Variants in BRAF observed in about 807,000 individuals in gnomAD.
The protein encoded by BRAF is serine/threonine-protein kinase B-raf.
BRAF carries 16 observed loss-of-function variants against 104.6 expected under a neutral mutation model. The ratio of observed to expected loss-of-function variants is 0.15; its 90% CI spans 0.10 to 0.23. BRAF has a LOEUF of 0.23. Among genes scored for constraint, BRAF ranks in the 10% least tolerant of loss-of-function variants. The pLI is 1.00. For synonymous variants in BRAF, 310 were observed against 341.6 expected, an observed-to-expected ratio of 0.91 and a Z score of 1.02; for missense variants, 541 against 937.3, an observed-to-expected ratio of 0.58 and a Z score of 5.52.
rs1795397044 is a variant in BRAF at position 140,723,082 on chromosome 7, G to GT, written c.*3411dup. The stretch of plus-strand genomic sequence containing the variant: ...TTCATTACCTCATTCTGAAGAGGTA[G>GT]TTTTTTGTAGAGGTCACCTGAACCC... On this transcript the variant is annotated 3_prime_UTR_variant, in exon 20 of 20. Coordinates refer to ENST00000644969, the MANE Select transcript of BRAF (RefSeq NM_001374258.1). 9 of 1,051,148 alleles carry GT rather than the reference G, an allele frequency of 8.6e-6. No homozygotes were observed. Among genetic ancestry groups the GT allele is most frequent in the African/African-American group, 5.0e-5 (3 of 60,252 alleles). 65.1% of individuals were successfully genotyped at this position (1,051,148 alleles called of 1,614,324 possible). A position where few individuals can be genotyped will look rare whatever the true frequency, so the allele number is the denominator to read the frequency against.
chr7:140,880,608 A>C (rs1409633515), intron 1 of BRAF, among the ~76,000 whole-genome samples: 3 of 152,204 alleles, frequency 2.0e-5, no homozygotes, highest in East Asian at 3.8e-4. Flanking sequence ...CCATCATAGG[A>C]ATATCTATGG....
At chr7:140,769,120 A>AGGCTGGAGTGCAGTGGT (rs1799600158) in intron 14 of BRAF, among the ~76,000 whole-genome samples, 1 of 151,612 alleles carries the variant, frequency 6.6e-6, no homozygotes, top group Non-Finnish European at 1.5e-5. Flanking sequence ...TCTGTCACCT[A>AGGCTGGAGTGCAGTGGT]GGCTGGAGTG....
chr7:140,923,772 C>T (rs1818527036), intron 1 of BRAF, among the ~76,000 whole-genome samples: 1 of 152,066 alleles, frequency 6.6e-6, no homozygotes, highest in Non-Finnish European at 1.5e-5. Context: ...AAGTACAGAG[C>T]CTCAAGAGGA....
In BRAF at chr7:140,821,294, A is replaced by AT. The variant is rs58690200; in HGVS notation, c.505-12300dup. 2.2e-3 allele frequency among the ~76,000 whole-genome samples: 161 copies of AT among 73,818 alleles called. 2 individuals are homozygous for AT. Among genetic ancestry groups the AT allele is most frequent in the Non-Finnish European group, 3.4e-3 (130 of 38,648 alleles). 48.4% of individuals were successfully genotyped at this position (73,818 alleles called of 152,430 possible). A position where few individuals can be genotyped will look rare whatever the true frequency, so the allele number is the denominator to read the frequency against. On this transcript the variant is annotated intron_variant, in intron 3 of 19. Transcript: ENST00000644969. ...CCACTACACCCAGCGTCTGAATTAC[A>AT]TTTTTTTTTTTTTTTTTTTTTTTGA...
At chr7:140,882,092 C>A (rs1052026238) in intron 1 of BRAF, among the ~76,000 whole-genome samples, 6 of 152,056 alleles carry the variant, frequency 3.9e-5, no homozygotes, top group Non-Finnish European at 5.9e-5. Context: ...GTAAAAAAAA[C>A]CACATTATCT....
chr7:140,903,426 T>C (rs1815901375), intron 1 of BRAF, among the ~76,000 whole-genome samples: 1 of 152,220 alleles, frequency 6.6e-6, no homozygotes. Flanking sequence ...AAGCCCACTG[T>C]TGAGACCCAC....
intron 16 of BRAF, among the ~76,000 whole-genome samples, chr7:140,749,799 T>C (rs1404933755): frequency 1.3e-5 from 2 of 152,194 alleles, no homozygotes; most frequent in African/African-American, 2.4e-5. Flanking sequence ...ATAAGATGCT[T>C]AGGAGCAGCA....
chr7:140,727,663 C>G, intron 19 of BRAF, among the ~76,000 whole-genome samples: 1 of 152,068 alleles, frequency 6.6e-6, no homozygotes, highest in East Asian at 1.9e-4. Flanking sequence ...CTCTGTTACC[C>G]AGGCTGGAGT....
intron 1 of BRAF, among the ~76,000 whole-genome samples, chr7:140,914,306 G>T (rs899048727): frequency 1.3e-5 from 2 of 152,182 alleles, no homozygotes; most frequent in African/African-American, 4.8e-5. Flanking sequence ...GCCAGTGAAA[G>T]GCAAGCATTC....
At chr7:140,910,963 C>T (rs1349606312) in intron 1 of BRAF, among the ~76,000 whole-genome samples, 1 of 152,158 alleles carries the variant, frequency 6.6e-6, no homozygotes, top group East Asian at 1.9e-4. Context: ...CCACATCCAA[C>T]CAAAACGCTA....
At chr7:140,759,749 C>A (rs1798513910) in intron 14 of BRAF, among the ~76,000 whole-genome samples, 1 of 152,206 alleles carries the variant, frequency 6.6e-6, no homozygotes, top group Non-Finnish European at 1.5e-5. Context: ...GAGGAGGAAC[C>A]AGCTGAGGAG....
chr7:140,792,993 A>G (rs932207507), intron 8 of BRAF, among the ~76,000 whole-genome samples: 21 of 152,332 alleles, frequency 1.4e-4, no homozygotes, highest in African/African-American at 4.6e-4. Flanking sequence ...CAGAAAATCT[A>G]TTTAGGAGAT....
chr7:140,863,018 T>A (rs868637771), intron 1 of BRAF, among the ~76,000 whole-genome samples: 42 of 152,256 alleles, frequency 2.8e-4, no homozygotes, highest in Middle Eastern at 3.4e-3. Flanking sequence ...CATGTTAAGT[T>A]CTCAAAAAAT....
At chr7:140,749,057 T>C in intron 17 of BRAF, 1 of 489,782 alleles carries the variant, frequency 2.0e-6, no homozygotes, top group East Asian at 3.8e-5. Context: ...TAGTTTCTAG[T>C]CAGAAAATCA....
At chr7:140,813,565 T>C (rs1804507313) in intron 3 of BRAF, among the ~76,000 whole-genome samples, 1 of 152,162 alleles carries the variant, frequency 6.6e-6, no homozygotes, top group South Asian at 2.1e-4. Flanking sequence ...ATGTGCAACA[T>C]TATTCACTAC....
chr7:140,828,345 G>T (rs747225858), intron 3 of BRAF, among the ~76,000 whole-genome samples: 3 of 152,242 alleles, frequency 2.0e-5, no homozygotes, highest in African/African-American at 7.2e-5. Flanking sequence ...ATAGTTCAGC[G>T]ATACCTTAAC....
downstream of BRAF, among the ~76,000 whole-genome samples, chr7:140,718,586 T>C (rs1465412908): frequency 6.6e-6 from 1 of 150,432 alleles, no homozygotes; most frequent in Non-Finnish European, 1.5e-5. Flanking sequence ...AGTTTCACCA[T>C]GTTGGTCAGG....
At chr7:140,779,375 T>C (rs1800634877) in intron 12 of BRAF, among the ~76,000 whole-genome samples, 1 of 152,078 alleles carries the variant, frequency 6.6e-6, no homozygotes. Context: ...TAGCTGGGAG[T>C]ACAGGCACAT....
chr7:140,917,729 A>G (rs544013849), intron 1 of BRAF, among the ~76,000 whole-genome samples: 1 of 152,354 alleles, frequency 6.6e-6, no homozygotes, highest in East Asian at 1.9e-4. Flanking sequence ...GAGTCAGAAC[A>G]GTTCAGCCCA....
Sources: gnomAD v4.1 joint callset for allele counts (sites outside exome capture counted in the v4.1 genomes callset) on GRCh38, gnomAD v4.1.1 for gene constraint, MANE v1.5 for transcripts, NCBI Gene and HGNC (gene_info 2026-07-23, HGNC 2026-07-21) for gene names.